KIF21B: variants seen among roughly 807,000 people sequenced by gnomAD.
The protein encoded by KIF21B is kinesin family member 21B.
Under a neutral mutation model 192.9 loss-of-function variants are expected in KIF21B, and 85 were observed. The ratio of observed to expected loss-of-function variants is 0.44; its 90% CI spans 0.37 to 0.53. The LOEUF is 0.53. Ranked by LOEUF, KIF21B falls within the 20% of genes least tolerant of loss-of-function variation. The probability of loss-of-function intolerance (pLI) is 0.00; values close to 1 mark genes in which losing one functional copy is unlikely to be tolerated. For synonymous variants in KIF21B, 832 were observed against 884.6 expected, an observed-to-expected ratio of 0.94 and a Z score of 1.05; for missense variants, 1,716 against 2,194.8, an observed-to-expected ratio of 0.78 and a Z score of 4.36.
At chr1:200,986,343 T>C (rs940994348) in intron 26 of KIF21B, among the ~76,000 whole-genome samples, 7 of 149,856 alleles carry the variant, frequency 4.7e-5, no homozygotes, top group Admixed American at 2.7e-4. Context: ...GTTACAGAAA[T>C]TACATTTCCT....
At chr1:200,974,684 C>T in intron 34 of KIF21B, 30 bp downstream of exon 34, 1 of 1,609,410 alleles carries the variant, frequency 6.2e-7, no homozygotes, top group African/African-American at 1.3e-5. Context: ...GATGAGGGAG[C>T]AGAGGCAGAC....
In KIF21B at chr1:200,972,067, G is replaced by A. The variant is rs1415613222; in HGVS notation, c.*1454C>T. Reference sequence around the variant, plus strand: ...GTGGGCAACTTTGGGTGGGGGTGGGGCGGGGGAGAGGGATGGAGCTCAGTC... The same window carrying A: ...GTGGGCAACTTTGGGTGGGGGTGGGACGGGGGAGAGGGATGGAGCTCAGTC... On this transcript the variant is annotated 3_prime_UTR_variant, in exon 35 of 35. Coordinates refer to ENST00000461742, the MANE Select transcript of KIF21B (RefSeq NM_001252102.2). The A allele has an allele frequency of 1.3e-5, 2 of 151,260 alleles. No homozygotes were observed. Among genetic ancestry groups the A allele is most frequent in the African/African-American group, 2.4e-5 (1 of 41,104 alleles). The allele number at this position is 151,260 out of a possible 1,614,324, so 9.4% of individuals were successfully genotyped here.
At chr1:200,996,879 T>A (rs1657103186) in intron 14 of KIF21B, among the ~76,000 whole-genome samples, 1 of 151,958 alleles carries the variant, frequency 6.6e-6, no homozygotes, top group Admixed American at 6.6e-5. Flanking sequence ...AAAACCCAAC[T>A]CCTCATTTCT....
rs755476544 is a variant in KIF21B at position 200,999,449 on chromosome 1, G to A, written c.1785C>T (p.Asp595=). The A allele has an allele frequency of 5.0e-6, 8 of 1,613,682 alleles. No individual in the cohort carries two copies. The highest frequency in any genetic ancestry group is 2.2e-5 in the East Asian group (1 of 44,886). ...CTTCCTCCTCCTCACAGCCACTCTCGTCTCGCTCTTCCTCCTCCTGGGCAC... is the reference window on the plus strand; with the variant it reads ...CTTCCTCCTCCTCACAGCCACTCTCATCTCGCTCTTCCTCCTCCTGGGCAC... ...NEAEEEEEER[D]ESGCEEEEGR... is the part of the protein sequence containing the mutation. Residue 595 remains aspartate, a synonymous_variant, in exon 13 of 35, where the codon GAC becomes GAT. Transcript: ENST00000461742. This position sits in a 1 kb window ranked among gnomAD's most constrained non-coding sequence, Gnocchi z 4.7.
At position 200,980,873 on chromosome 1, in the gene KIF21B, T is replaced by G. The variant is rs1239410445; in HGVS notation, c.3979+87A>C. ...CTCAACTCCTGGGGGCTCTATGTTC[T>G]TTTCTCCTTCACAGACCACTCTGAC... On this transcript the variant is annotated intron_variant, in intron 29 of 34. Transcript: ENST00000461742. The G allele has an allele frequency of 1.3e-5, 19 of 1,516,916 alleles. No individual in the cohort carries two copies. The East Asian group carries it at 4.1e-4, about 33-fold the overall frequency. 94.0% of individuals were successfully genotyped at this position (1,516,916 alleles called of 1,614,324 possible).
At chr1:201,001,885 T>G in intron 9 of KIF21B, 1 of 480,222 alleles carries the variant, frequency 2.1e-6, no homozygotes, top group Non-Finnish European at 3.8e-6. Context: ...TTCTGAGAAG[T>G]AGAGAGGGCT....
Position 200,981,102 on chromosome 1 carries a change from CGGGAGAGA to C in KIF21B, c.3843-14_3843-7del, listed in dbSNP as rs750980414. 6.3e-7 allele frequency: 1 copy of C among 1,579,156 alleles called. No homozygotes were observed. The highest frequency in any genetic ancestry group is 2.0e-5 in the Admixed American group (1 of 50,672). Reference sequence around the variant, plus strand: ...CAACCGGGGAGATGATGCCCCTTCCCGGGAGAGAGGGAGAGAAGGCATGCTCGTCAGCC... The same window carrying C: ...CAACCGGGGAGATGATGCCCCTTCCCGGGAGAGAAGGCATGCTCGTCAGCC... On this transcript the variant is annotated splice_polypyrimidine_tract_variant and splice_region_variant and intron_variant, in intron 28 of 34. Coordinates refer to ENST00000461742, the MANE Select transcript of KIF21B (RefSeq NM_001252102.2).
intron 3 of KIF21B, among the ~76,000 whole-genome samples, chr1:201,006,811 C>G (rs770318731): frequency 2.0e-4 from 30 of 151,450 alleles, no homozygotes; most frequent in Non-Finnish European, 3.0e-4. Flanking sequence ...CACAGAGACA[C>G]CCACATAAAG....
At chr1:200,985,643 C>T (rs1176352361) in intron 26 of KIF21B, among the ~76,000 whole-genome samples, 1 of 152,192 alleles carries the variant, frequency 6.6e-6, no homozygotes, top group Non-Finnish European at 1.5e-5. Flanking sequence ...TCTACAGAAG[C>T]TCTGTGGGCC....
intron 15 of KIF21B, among the ~76,000 whole-genome samples, chr1:200,994,505 A>G (rs1656926576): frequency 1.3e-5 from 2 of 152,236 alleles, no homozygotes; most frequent in South Asian, 4.1e-4. Flanking sequence ...GAACACTGTC[A>G]ATGTGGACAG....
intron 8 of KIF21B, 56 bp downstream of exon 8, chr1:201,003,530 C>A (rs533670237): frequency 1.9e-6 from 3 of 1,562,626 alleles, no homozygotes; most frequent in Non-Finnish European, 2.6e-6. Flanking sequence ...GCAGAGGGTG[C>A]ATATGGAGCA....
intron 16 of KIF21B, 149 bp downstream of exon 16, chr1:200,992,133 A>G (rs1656739435): frequency 3.0e-6 from 2 of 663,324 alleles, no homozygotes; most frequent in Non-Finnish European, 5.2e-6. Context: ...TCTTGCTCTG[A>G]CAGGCTGTAC....
At chr1:200,981,661 T>G in intron 28 of KIF21B, among the ~76,000 whole-genome samples, 1 of 152,220 alleles carries the variant, frequency 6.6e-6, no homozygotes, top group East Asian at 1.9e-4. Context: ...GAGCCATGTG[T>G]ACACATACAC....
At position 200,987,009 on chromosome 1, in the gene KIF21B, G is replaced by A. The variant is rs796052152; in HGVS notation, c.3601C>T (p.Arg1201Trp). 5.0e-6 allele frequency: 8 copies of A among 1,614,092 alleles called. No homozygotes were observed. Among genetic ancestry groups the A allele is most frequent in the Non-Finnish European group, 6.8e-6 (8 of 1,179,982 alleles). ...TCCCATCCTTACAAAGTGCTGCCCC[G>A]GGTAGGCAGACTGACGGTGCGCGAG... ...RVSRTVSLPT[R>W]GSTFPRQSRA... The change falls in exon 25 of 35, where the codon CGG becomes TGG. Residue 1201 changes from arginine to tryptophan, a missense_variant. By Grantham distance (101) the Arg-to-Trp change is moderately radical. This residue lies in a region of KIF21B where 580 missense variants were observed against 775.5 expected (regional missense o/e 0.75). Transcript: ENST00000461742.
In KIF21B at chr1:200,999,307, A is replaced by G. The variant is rs2102433647; in HGVS notation, c.1885+42T>C. 2.5e-6 allele frequency: 4 copies of G among 1,613,322 alleles called. No homozygotes were observed. The East Asian group carries it at 6.7e-5, about 27-fold the overall frequency. ...ACCCCACACTTGGGCACTGGCAGCC[A>G]GGCATTGCATCCCCCACAGCCCACA... On this transcript the variant is annotated intron_variant, in intron 13 of 34. Transcript: ENST00000461742. The surrounding 1 kb of genome is among the most constrained non-coding windows in gnomAD (Gnocchi z 4.7).
intron 3 of KIF21B, 82 bp from the exon 4 acceptor site, chr1:201,005,776 GT>G: frequency 7.1e-7 from 1 of 1,411,808 alleles, no homozygotes; most frequent in Non-Finnish European, 9.8e-7. Context: ...AACCATATCT[GT>G]TTTACAGATG....
Position 201,002,224 on chromosome 1 carries a change from C to T in KIF21B, c.1339G>A (p.Ala447Thr). Residue 447 changes from alanine (A) to threonine (T), a missense_variant, in exon 9 of 35, where the codon GCC becomes ACC. By Grantham distance (58) the Ala-to-Thr change is moderately conservative. This residue lies in a region of KIF21B where 1,087 missense variants were observed against 1,316.6 expected (regional missense o/e 0.83). Transcript: ENST00000461742. ...AGCTGGGTGACGCGGTTGTTGATGGCATCGATGGCCTCCTGCATGGCTTTC... is the reference window on the plus strand; with the variant it reads ...AGCTGGGTGACGCGGTTGTTGATGGTATCGATGGCCTCCTGCATGGCTTTC... ...RVKAMQEAIDAINNRVTQLMS... is the reference protein window; with the variant it reads ...RVKAMQEAIDTINNRVTQLMS... The T allele has an allele frequency of 6.2e-7, 1 of 1,614,182 alleles. No individual in the cohort carries two copies. The highest frequency in any genetic ancestry group is 2.2e-5 in the East Asian group (1 of 44,884).
intron 29 of KIF21B, 106 bp from the exon 30 acceptor site, chr1:200,979,821 A>G: frequency 2.3e-6 from 2 of 866,520 alleles, no homozygotes; most frequent in South Asian, 2.4e-5. Flanking sequence ...AGGGATCCAC[A>G]GGGCTCCAGA....
intron 30 of KIF21B, among the ~76,000 whole-genome samples, chr1:200,977,756 T>C (rs986939783): frequency 6.7e-6 from 1 of 149,450 alleles, no homozygotes; most frequent in African/African-American, 2.5e-5. Context: ...TTTTTCTGAA[T>C]GGAGTTTCGC....
Sources: allele counts gnomAD v4.1 joint callset (sites outside exome capture counted in the v4.1 genomes callset), GRCh38; gene constraint gnomAD v4.1.1; regional missense constraint gnomAD v4.1.1; non-coding constraint Gnocchi (gnomAD v3.1); transcripts MANE v1.5; gene names NCBI Gene and HGNC (gene_info 2026-07-23, HGNC 2026-07-21).